Variants in ASIC2 observed in about 807,000 individuals in gnomAD.
The protein encoded by ASIC2 is acid-sensing ion channel 2.
ASIC2 carries 25 observed loss-of-function variants against 57.3 expected under a neutral mutation model. The observed-to-expected ratio is 0.44, with a 90% CI of 0.32 to 0.61. The LOEUF is 0.61. Ranked by LOEUF, ASIC2 falls within the 20% of genes least tolerant of loss-of-function variation. ASIC2 has a pLI of 0.06. For missense variants in ASIC2, 641 were observed against 738.1 expected (o/e 0.87, Z 1.52); for synonymous variants, 319 against 307.5 (o/e 1.04, Z -0.39).
At position 33,335,407 on chromosome 17, in the gene ASIC2, G is replaced by C. The variant is rs776313561; in HGVS notation, c.556-223340C>G. Among the ~76,000 whole-genome samples the C allele has an allele frequency of 1.2e-3, 185 of 152,316 alleles. 2 individuals are homozygous for C. Among genetic ancestry groups the C allele is most frequent in the Middle Eastern group, 3.4e-3 (1 of 294 alleles). On this transcript the variant is annotated intron_variant, in intron 1 of 9. Coordinates refer to the ASIC2 transcript ENST00000359872. The stretch of plus-strand genomic sequence containing the variant: ...TCCTCATAAAATAGTAGGTGGGAAA[G>C]CTTAGTCTCATTTGGGTTGAAGAAA...
intron 1 of ASIC2, among the ~76,000 whole-genome samples, chr17:33,904,118 G>A (rs975534686): frequency 2.3e-5 from 3 of 131,446 alleles, no homozygotes; most frequent in African/African-American, 5.8e-5. Context: ...AACCGAGATC[G>A]CGCCATTGTA....
rs1161112997 is a variant in ASIC2 at position 34,073,137 on chromosome 17, T to C, written c.555+82841A>G. Among the ~76,000 whole-genome samples, 4 of 152,212 alleles carry C rather than the reference T, an allele frequency of 2.6e-5. No individual in the cohort carries two copies. The East Asian group carries it at 7.7e-4, about 29-fold the overall frequency. ...TTAAAATAGGGGTCAGGAAACTTTTTCTATAAAGAGTCATATTGCAAATAT... is the reference window on the plus strand; with the variant it reads ...TTAAAATAGGGGTCAGGAAACTTTTCCTATAAAGAGTCATATTGCAAATAT... On this transcript the variant is annotated intron_variant, in intron 1 of 9. Transcript: ENST00000359872.
chr17:34,130,554 A>G (rs1423446547), intron 1 of ASIC2, among the ~76,000 whole-genome samples: 2 of 152,212 alleles, frequency 1.3e-5, no homozygotes, highest in Non-Finnish European at 2.9e-5. Context: ...GTCCCTGTTG[A>G]AAGACAAAGG....
intron 1 of ASIC2, among the ~76,000 whole-genome samples, chr17:33,270,725 T>G (rs927746740): frequency 1.3e-5 from 2 of 152,216 alleles, no homozygotes; most frequent in South Asian, 4.1e-4. Flanking sequence ...TGACAAAGGC[T>G]GGATTGCCCA....
chr17:33,977,083 T>G (rs997845001), intron 1 of ASIC2, among the ~76,000 whole-genome samples: 1 of 152,144 alleles, frequency 6.6e-6, no homozygotes, highest in African/African-American at 2.4e-5. Context: ...ATTCTGGCCC[T>G]GCTGTCTTTA....
At chr17:33,102,338 C>T (rs533589211) in intron 2 of ASIC2, among the ~76,000 whole-genome samples, 4 of 152,310 alleles carry the variant, frequency 2.6e-5, no homozygotes, top group Non-Finnish European at 5.9e-5. Context: ...TTGAGAAGTC[C>T]TAGGTCGTTC....
intron 3 of ASIC2, among the ~76,000 whole-genome samples, chr17:33,034,602 C>T (rs2091901281): frequency 1.3e-5 from 2 of 152,116 alleles, no homozygotes; most frequent in African/African-American, 2.4e-5. Flanking sequence ...AGATAGAATT[C>T]TAGGTTGATA....
rs144991788 is a variant in ASIC2, at chr17:33,090,282, T to C, written c.860-1292A>G. On this transcript the variant is annotated intron_variant, in intron 2 of 9. Coordinates refer to ENST00000225823, the MANE Select transcript of ASIC2 (RefSeq NM_183377.2). ...CTTGCTCTGTTGTATCTTCCACATC[T>C]GCCTGCTGGAGCCCCTGCCATAGCA... is the stretch of plus-strand genomic sequence containing the variant. 4.6e-5 allele frequency among the ~76,000 whole-genome samples: 7 copies of C among 152,358 alleles called. No homozygotes were observed. In the East Asian group the frequency reaches 7.7e-4, roughly 17 times the overall value.
chr17:33,053,463 T>C (rs1487709187), intron 3 of ASIC2, among the ~76,000 whole-genome samples: 1 of 152,182 alleles, frequency 6.6e-6, no homozygotes, highest in African/African-American at 2.4e-5. Context: ...TCCCTTAGCC[T>C]CCACTGGAGG....
intron 1 of ASIC2, among the ~76,000 whole-genome samples, chr17:33,750,260 C>T (rs1376070701): frequency 1.3e-5 from 2 of 152,102 alleles, no homozygotes; most frequent in Non-Finnish European, 2.9e-5. Context: ...TATCCAGGAC[C>T]CTGGGCAACC....
At chr17:33,703,211 C>A (rs916595012) in intron 1 of ASIC2, among the ~76,000 whole-genome samples, 3 of 152,096 alleles carry the variant, frequency 2.0e-5, no homozygotes, top group African/African-American at 4.8e-5. Flanking sequence ...AGCAAGGGGG[C>A]AAATGCTGAG....
At chr17:33,060,596 A>C (rs1203269792) in intron 3 of ASIC2, among the ~76,000 whole-genome samples, 1 of 152,186 alleles carries the variant, frequency 6.6e-6, no homozygotes, top group Non-Finnish European at 1.5e-5. Context: ...GGGTAGCATG[A>C]TGCCTTCAGC....
At position 33,579,435 on chromosome 17, in the gene ASIC2, G is replaced by C. The variant is rs141146582; in HGVS notation, c.556-467368C>G. 1.0e-2 allele frequency among the ~76,000 whole-genome samples: 1,521 copies of C among 152,160 alleles called. 25 individuals are homozygous for C. The highest frequency in any genetic ancestry group is 0.034 in the African/African-American group (1,428 of 41,506). ...GTAGAAAACAAGGAGATATAGACTA[G>C]GGCTGCGGGGTACCCATCCAGTTTA... On this transcript the variant is annotated intron_variant, in intron 1 of 9. Transcript: ENST00000359872.
At chr17:34,107,445 G>A (rs1911102644) in intron 1 of ASIC2, among the ~76,000 whole-genome samples, 1 of 152,186 alleles carries the variant, frequency 6.6e-6, no homozygotes, top group Admixed American at 6.5e-5. Flanking sequence ...GGAGGTGGAG[G>A]CTGCAATAAG....
At chr17:33,021,767 G>C (rs2091836523) in intron 6 of ASIC2, among the ~76,000 whole-genome samples, 2 of 152,230 alleles carry the variant, frequency 1.3e-5, no homozygotes, top group Non-Finnish European at 2.9e-5. Context: ...AGCTCCTCCT[G>C]TTGGGAGGCC....
chr17:34,044,731 T>C (rs918355759), intron 1 of ASIC2, among the ~76,000 whole-genome samples: 2 of 152,134 alleles, frequency 1.3e-5, no homozygotes, highest in African/African-American at 4.8e-5. Context: ...GAACGGTGCC[T>C]GGGGATGAGT....
At chr17:33,589,172 C>G (rs766985080) in intron 1 of ASIC2, among the ~76,000 whole-genome samples, 1 of 152,198 alleles carries the variant, frequency 6.6e-6, no homozygotes, top group Non-Finnish European at 1.5e-5. Context: ...GAAGAGGACA[C>G]AGACCATAGT....
chr17:33,302,316 C>A (rs1433076042), intron 1 of ASIC2, among the ~76,000 whole-genome samples: 2 of 152,148 alleles, frequency 1.3e-5, no homozygotes, highest in African/African-American at 4.8e-5. Context: ...AAAAGATATG[C>A]AGCTAAAATA....
chr17:33,983,841 G>A (rs1905714571), intron 1 of ASIC2, among the ~76,000 whole-genome samples: 1 of 152,102 alleles, frequency 6.6e-6, no homozygotes, highest in Non-Finnish European at 1.5e-5. Flanking sequence ...ATGGGTAGAG[G>A]CCAGGGGTGC....
Sources: allele counts gnomAD v4.1 joint callset (sites outside exome capture counted in the v4.1 genomes callset), GRCh38; gene constraint gnomAD v4.1.1; transcripts MANE v1.5; gene names NCBI Gene and HGNC (gene_info 2026-07-23, HGNC 2026-07-21).